YAP1: variants seen among roughly 807,000 people sequenced by gnomAD.
YAP1 encodes transcriptional coactivator YAP1.
Under a neutral mutation model 56.9 loss-of-function variants are expected in YAP1, and 5 were observed. The ratio of observed to expected loss-of-function variants is 0.09; its 90% CI spans 0.05 to 0.18. The LOEUF is 0.18. Among genes scored for constraint, YAP1 ranks in the 10% least tolerant of loss-of-function variants. The pLI, the probability that YAP1 is intolerant of heterozygous loss-of-function variation, is 1.00. For missense variants in YAP1, 539 were observed against 651.8 expected, an observed-to-expected ratio of 0.83 and a Z score of 1.88; for synonymous variants, 265 against 248.1, an observed-to-expected ratio of 1.07 and a Z score of -0.64.
At position 102,110,712 on chromosome 11, in the gene YAP1, C is replaced by G. The variant is rs1034984539; in HGVS notation, c.-137C>G. 8 of 737,580 alleles carry G rather than the reference C, an allele frequency of 1.1e-5. No individual in the cohort carries two copies. The East Asian group carries it at 3.2e-4, about 30-fold the overall frequency. The allele number at this position is 737,580 out of a possible 1,614,324, so 45.7% of individuals were successfully genotyped here. On this transcript the variant is annotated 5_prime_UTR_variant, in exon 1 of 9. Transcript: ENST00000282441. ...GATGCGGGGCCGCGGCGCAGCCCCC[C>G]GGCCCTGAGAGCGAGGACAGCGCCG...
At chr11:102,135,438 C>T (rs3890538) in intron 2 of YAP1, among the ~76,000 whole-genome samples, 75,755 of 152,126 alleles carry the variant, frequency 0.5, 20,915 homozygotes, top group South Asian at 0.67. Context: ...AAGATAGCTT[C>T]ACTCATAGGT....
At chr11:102,131,987 G>A (rs1944391797) in intron 2 of YAP1, among the ~76,000 whole-genome samples, 1 of 152,102 alleles carries the variant, frequency 6.6e-6, no homozygotes, top group East Asian at 1.9e-4. Flanking sequence ...GCACAGTGGT[G>A]TGCGCCTGTT....
intron 3 of YAP1, among the ~76,000 whole-genome samples, chr11:102,170,966 C>CA (rs5794159): frequency 1.3e-4 from 17 of 129,266 alleles, no homozygotes; most frequent in African/African-American, 4.3e-4. Context: ...GACTCTGTCT[C>CA]AAAAAAAAAA....
chr11:102,180,791 C>G (rs911725909), intron 3 of YAP1, among the ~76,000 whole-genome samples: 1 of 151,832 alleles, frequency 6.6e-6, no homozygotes, highest in African/African-American at 2.4e-5. Flanking sequence ...AGAAAGAACT[C>G]TTCATCTGTA....
rs1355672084 is a variant in YAP1, at chr11:102,140,131, A to G, written c.573-22325A>G. ...TTTTAAAGCATAGTAGCTTTTCTGT[A>G]TATATAGTCTGATAGTGTAAAAAAA... On this transcript the variant is annotated intron_variant, in intron 2 of 8. Transcript: ENST00000282441. 3.9e-5 allele frequency among the ~76,000 whole-genome samples: 6 copies of G among 152,134 alleles called. No homozygotes were observed. The East Asian group carries it at 1.2e-3, about 29-fold the overall frequency.
At chr11:102,203,149 C>A (rs1171863148) in intron 4 of YAP1, among the ~76,000 whole-genome samples, 1 of 152,214 alleles carries the variant, frequency 6.6e-6, no homozygotes, top group Non-Finnish European at 1.5e-5. Flanking sequence ...TTGCTGGCTT[C>A]ATCCCGTAGT....
chr11:102,161,672 A>G (rs991708475), intron 2 of YAP1, among the ~76,000 whole-genome samples: 2 of 152,192 alleles, frequency 1.3e-5, no homozygotes, highest in African/African-American at 4.8e-5. Context: ...TGTATAATAT[A>G]TCTAGTTTTT....
chr11:102,159,477 C>T (rs1946143612), intron 2 of YAP1, among the ~76,000 whole-genome samples: 1 of 152,214 alleles, frequency 6.6e-6, no homozygotes, highest in African/African-American at 2.4e-5. Context: ...AACCAAACTC[C>T]TATTAAAGCT....
chr11:102,163,327 A>C (rs1035336908), intron 3 of YAP1, among the ~76,000 whole-genome samples: 2 of 152,198 alleles, frequency 1.3e-5, no homozygotes, highest in Non-Finnish European at 2.9e-5. Context: ...GTAGGTACTA[A>C]GTGAAAGTTT....
In YAP1 at chr11:102,114,235, C is replaced by T. The variant is rs1943139837; in HGVS notation, c.413C>T (p.Ser138Phe). ...SPASLQLGAV[S>F]PGTLTPTGVV... ...GCTTCTCTGCAGTTGGGAGCTGTTTCTCCTGGGACACTGACCCCCACTGGA... is the reference window on the plus strand; with the variant it reads ...GCTTCTCTGCAGTTGGGAGCTGTTTTTCCTGGGACACTGACCCCCACTGGA... Residue 138 changes from serine to phenylalanine, a missense_variant, in exon 2 of 9, where the codon TCT (serine) becomes TTT (phenylalanine). Physicochemically the swap from Ser to Phe is radical, Grantham distance 155 (BLOSUM62 -2). Transcript: ENST00000282441. 12 of 1,614,106 alleles carry T rather than the reference C, an allele frequency of 7.4e-6. No homozygotes were observed. Among genetic ancestry groups the T allele is most frequent in the Non-Finnish European group, 8.5e-6 (10 of 1,179,954 alleles).
Position 102,110,648 on chromosome 11 carries a change from G to C in YAP1, c.-201G>C, listed in dbSNP as rs921892093. 3 of 303,238 alleles carry C rather than the reference G, an allele frequency of 9.9e-6. No homozygotes were observed. The highest frequency in any genetic ancestry group is 6.7e-5 in the African/African-American group (3 of 44,914). 18.8% of individuals were successfully genotyped at this position (303,238 alleles called of 1,614,324 possible). Reference sequence around the variant, plus strand: ...GAGGCGCAGCCGCCAGACCAGTGGAGCCGGGGCGCAGGGCGGGGGCGGAGG... The same window carrying C: ...GAGGCGCAGCCGCCAGACCAGTGGACCCGGGGCGCAGGGCGGGGGCGGAGG... On this transcript the variant is annotated 5_prime_UTR_variant, in exon 1 of 9. Transcript: ENST00000282441.
At chr11:102,144,066 A>G (rs1344095726) in intron 2 of YAP1, among the ~76,000 whole-genome samples, 2 of 152,210 alleles carry the variant, frequency 1.3e-5, no homozygotes, top group African/African-American at 4.8e-5. Context: ...CTGAGAAGAG[A>G]CAGGATGACC....
At chr11:102,190,315 A>C (rs781411456) in intron 4 of YAP1, among the ~76,000 whole-genome samples, 1 of 152,226 alleles carries the variant, frequency 6.6e-6, no homozygotes, top group Non-Finnish European at 1.5e-5. Flanking sequence ...TTTAGATAAA[A>C]AGAGCTATTG....
At chr11:102,147,265 T>A (rs995923515) in intron 2 of YAP1, among the ~76,000 whole-genome samples, 1 of 152,362 alleles carries the variant, frequency 6.6e-6, no homozygotes, top group East Asian at 1.9e-4. Flanking sequence ...ATCCTCATTA[T>A]AGCCACATGA....
At chr11:102,184,063 C>T (rs1372306951) in intron 3 of YAP1, among the ~76,000 whole-genome samples, 1 of 129,214 alleles carries the variant, frequency 7.7e-6, no homozygotes, top group East Asian at 2.2e-4. Flanking sequence ...GGCGACAGAG[C>T]GAGACTCCGT....
chr11:102,150,395 CA>C (rs1280745367), intron 2 of YAP1, among the ~76,000 whole-genome samples: 1 of 152,160 alleles, frequency 6.6e-6, no homozygotes, highest in Non-Finnish European at 1.5e-5. Context: ...AAAGTATTGC[CA>C]GTCAGTGTCT....
At chr11:102,181,414 C>G (rs1379626930) in intron 3 of YAP1, among the ~76,000 whole-genome samples, 2 of 152,088 alleles carry the variant, frequency 1.3e-5, no homozygotes, top group Non-Finnish European at 2.9e-5. Context: ...CCACTGCACT[C>G]CAGCCTGGGT....
At chr11:102,149,836 C>G (rs748729244) in intron 2 of YAP1, among the ~76,000 whole-genome samples, 1 of 152,110 alleles carries the variant, frequency 6.6e-6, no homozygotes, top group Non-Finnish European at 1.5e-5. Flanking sequence ...CCTGACATCA[C>G]CTGGCATGAT....
intron 7 of YAP1, among the ~76,000 whole-genome samples, chr11:102,225,553 A>G (rs1479532442): frequency 3.3e-5 from 5 of 152,182 alleles, no homozygotes; most frequent in African/African-American, 1.2e-4. Flanking sequence ...TGATTTATGT[A>G]TATTCCTTAA....
Sources: allele counts gnomAD v4.1 joint callset (sites outside exome capture counted in the v4.1 genomes callset), GRCh38; gene constraint gnomAD v4.1.1; transcripts MANE v1.5; gene names NCBI Gene and HGNC (gene_info 2026-07-23, HGNC 2026-07-21).